The following WDR33 variants were observed in gnomAD, a reference collection of about 807,000 sequenced individuals.
WDR33 encodes WD repeat domain 33.
In WDR33, 47 loss-of-function variants were observed where a neutral mutation model predicts 164.9. The observed-to-expected ratio is 0.29, with a 90% CI of 0.23 to 0.36. The LOEUF (loss-of-function observed/expected upper bound fraction) is 0.36. WDR33 is among the 10% of genes least tolerant of loss of function. The pLI is 1.00. For missense variants in WDR33, 1,137 were observed against 1,754.1 expected (o/e 0.65, Z 6.28); for synonymous variants, 505 against 589.0 (o/e 0.86, Z 2.06).
chr2:127,784,130 G>A (rs551080241), intron 1 of WDR33, among the ~76,000 whole-genome samples: 46 of 151,682 alleles, frequency 3.0e-4, no homozygotes, highest in Non-Finnish European at 5.4e-4. Context: ...TAGCTTAATT[G>A]AAAACAGCTG....
Position 127,738,327 on chromosome 2 carries a change from AG to A in WDR33, c.725-11551del, listed in dbSNP as rs1686914127. Among the ~76,000 whole-genome samples the A allele has an allele frequency of 6.6e-6, 1 of 152,234 alleles. No homozygotes were observed. Among genetic ancestry groups the A allele is most frequent in the South Asian group, 2.1e-4 (1 of 4,832 alleles). On this transcript the variant is annotated intron_variant, in intron 7 of 21. Transcript: ENST00000322313. The surrounding 1 kb of genome is among the most constrained non-coding windows in gnomAD (Gnocchi z 4.4). ...ACATATTCCCATAAAATATCCATTT[AG>A]TCCATACTGATATAAGCAAATAACT... is the stretch of plus-strand genomic sequence containing the variant.
Position 127,722,958 on chromosome 2 carries a change from C to G in WDR33, c.1378G>C (p.Gly460Arg). The G allele has an allele frequency of 6.3e-7, 1 of 1,599,834 alleles. No homozygotes were observed. The highest frequency in any genetic ancestry group is 8.5e-7 in the Non-Finnish European group (1 of 1,176,176). The change falls in exon 13 of 22, where the codon GGG (glycine) becomes CGG (arginine). Residue 460 changes from glycine (G) to arginine (R), a missense_variant and splice_region_variant. By Grantham distance (125) the Gly-to-Arg change is moderately radical. Coordinates refer to ENST00000322313, the MANE Select transcript of WDR33 (RefSeq NM_018383.5). This position sits in a 1 kb window ranked among gnomAD's most constrained non-coding sequence, Gnocchi z 5.1. Reference protein sequence around the residue: ...LKLAMEQEQMGKDESNEIEMT... With the variant: ...LKLAMEQEQMRKDESNEIEMT... ...AATGTGTCTGTGTAACTTCTCTTAC[C>G]CATCTGTTCTTGTTCCATAGCTAAT... is the stretch of plus-strand genomic sequence containing the variant.
At chr2:127,711,770 ATATATATATAT>A in intron 18 of WDR33, among the ~76,000 whole-genome samples, 1 of 77,880 alleles carries the variant, frequency 1.3e-5, no homozygotes, top group South Asian at 6.3e-4. Flanking sequence ...ATATATATAT[ATATATATATAT>A]TTTTTTTTTG....
At chr2:127,731,905 G>A (rs954596857) in intron 7 of WDR33, among the ~76,000 whole-genome samples, 1 of 152,142 alleles carries the variant, frequency 6.6e-6, no homozygotes, top group Non-Finnish European at 1.5e-5. Flanking sequence ...GGGCAACATA[G>A]TGAGACCCTG....
At chr2:127,757,452 T>C (rs1337456492) in intron 7 of WDR33, among the ~76,000 whole-genome samples, 1 of 152,202 alleles carries the variant, frequency 6.6e-6, no homozygotes, top group Admixed American at 6.5e-5. Flanking sequence ...TACCATGATC[T>C]AGTCTTTTCA....
rs553518323 is a variant in WDR33 at position 127,738,415 on chromosome 2, G to A, written c.725-11638C>T. Among the ~76,000 whole-genome samples the A allele has an allele frequency of 4.6e-5, 7 of 152,060 alleles. No individual in the cohort carries two copies. On this transcript the variant is annotated intron_variant, in intron 7 of 21. Coordinates refer to ENST00000322313, the MANE Select transcript of WDR33 (RefSeq NM_018383.5). The surrounding 1 kb of genome is among the most constrained non-coding windows in gnomAD (Gnocchi z 4.4). ...CTAAGAATTCCACATAATTTACACA[G>A]TTACTCCACCTGAAAAGAGGTGAGG...
intron 21 of WDR33, among the ~76,000 whole-genome samples, chr2:127,707,077 CAAAAG>C (rs981855181): frequency 3.3e-5 from 5 of 151,644 alleles, no homozygotes; most frequent in African/African-American, 7.3e-5. Flanking sequence ...CTTGAAAAAA[CAAAAG>C]AAAAGCACAA....
At chr2:127,711,780 A>ATATATATATATATATATTTTTTTTTTTT in intron 18 of WDR33, among the ~76,000 whole-genome samples, 2 of 88,318 alleles carry the variant, frequency 2.3e-5, no homozygotes, top group Non-Finnish European at 4.0e-5. Flanking sequence ...ATATATATAT[A>ATATATATATATATATATTTTTTTTTTTT]TTTTTTTTTT....
rs1686422533 is a variant in WDR33, at chr2:127,720,928, G to C, written c.1672-575C>G. Among the ~76,000 whole-genome samples, 1 of 152,068 alleles carries C rather than the reference G, an allele frequency of 6.6e-6. No homozygotes were observed. Among genetic ancestry groups the C allele is most frequent in the African/African-American group, 2.4e-5 (1 of 41,388 alleles). ...AATTCACCACTAATTCATCATTCTT[G>C]GTAGCTAACATAGATAAGAAAAATA... On this transcript the variant is annotated intron_variant, in intron 15 of 21. Coordinates refer to ENST00000322313, the MANE Select transcript of WDR33 (RefSeq NM_018383.5). This position sits in a 1 kb window ranked among gnomAD's most constrained non-coding sequence, Gnocchi z 5.9.
At position 127,701,908 on chromosome 2, in the gene WDR33, G is replaced by A; in HGVS notation, c.*4415C>T. 4.8e-6 allele frequency: 7 copies of A among 1,449,674 alleles called. No individual in the cohort carries two copies. Among genetic ancestry groups the A allele is most frequent in the Non-Finnish European group, 6.3e-6 (7 of 1,107,566 alleles). 89.8% of individuals were successfully genotyped at this position (1,449,674 alleles called of 1,614,324 possible). A position where few individuals can be genotyped will look rare whatever the true frequency, so the allele number is the denominator to read the frequency against. On this transcript the variant is annotated 3_prime_UTR_variant, in exon 22 of 22. Coordinates refer to ENST00000322313, the MANE Select transcript of WDR33 (RefSeq NM_018383.5). ...GCGTTGGCGGGAAGCGCGCTGCTGC[G>A]GGGCGGCGCGGCGTGCGGACGCCTG...
chr2:127,739,163 T>G, intron 7 of WDR33, among the ~76,000 whole-genome samples: 1 of 152,240 alleles, frequency 6.6e-6, no homozygotes, highest in Non-Finnish European at 1.5e-5. Context: ...TTCTTTTTCT[T>G]TATTGAATGA....
intron 7 of WDR33, among the ~76,000 whole-genome samples, chr2:127,728,561 C>G (rs1278395519): frequency 2.0e-5 from 3 of 152,058 alleles, no homozygotes; most frequent in East Asian, 3.8e-4. Context: ...TTTGCTGTTG[C>G]TTTGTCTTTT....
intron 7 of WDR33, among the ~76,000 whole-genome samples, chr2:127,731,306 A>C (rs1399943816): frequency 1.3e-5 from 2 of 151,478 alleles, no homozygotes; most frequent in African/African-American, 4.9e-5. Flanking sequence ...AAAAAAAAAA[A>C]AAAAAAAAAA....
rs1351817713 is a variant in WDR33, at chr2:127,702,794, T to A, written c.*3529A>T. The A allele has an allele frequency of 6.0e-6, 1 of 167,042 alleles. No individual in the cohort carries two copies. The highest frequency in any genetic ancestry group is 1.5e-5 in the Non-Finnish European group (1 of 68,110). The allele number at this position is 167,042 out of a possible 1,614,324, so 10.3% of individuals were successfully genotyped here. A position where few individuals can be genotyped will look rare whatever the true frequency, so the allele number is the denominator to read the frequency against. ...CATGAAAGGAAAATTAGTTGTGTAT[T>A]TCACGACGAAAGCGACGGACCAAAA... On this transcript the variant is annotated 3_prime_UTR_variant, in exon 22 of 22. Coordinates refer to ENST00000322313, the MANE Select transcript of WDR33 (RefSeq NM_018383.5).
At position 127,701,951 on chromosome 2, in the gene WDR33, G is replaced by A; in HGVS notation, c.*4372C>T. 7.1e-7 allele frequency: 1 copy of A among 1,403,306 alleles called. No individual in the cohort carries two copies. The highest frequency in any genetic ancestry group is 9.2e-7 in the Non-Finnish European group (1 of 1,085,940). 86.9% of individuals were successfully genotyped at this position (1,403,306 alleles called of 1,614,324 possible). ...GACGCCTGCTGCGCTGCGAAGAAGC[G>A]CCGTCCCGGCCCGCGCTGCTCTACA... On this transcript the variant is annotated 3_prime_UTR_variant, in exon 22 of 22. Coordinates refer to ENST00000322313, the MANE Select transcript of WDR33 (RefSeq NM_018383.5).
rs1687762465 is a variant in WDR33, at chr2:127,764,443, G to A, written c.626+385C>T. 1 of 1,450,784 alleles carries A rather than the reference G, an allele frequency of 6.9e-7. No homozygotes were observed. The allele number at this position is 1,450,784 out of a possible 1,614,324, so 89.9% of individuals were successfully genotyped here. On this transcript the variant is annotated intron_variant, in intron 6 of 21. Transcript: ENST00000322313. This position sits in a 1 kb window ranked among gnomAD's most constrained non-coding sequence, Gnocchi z 6.2. ...TGTGTGAATTCTGAAGTTGTTTTCT[G>A]TAGGCTTTAGATTTTATTCAGTTGC... is the stretch of plus-strand genomic sequence containing the variant.
At chr2:127,762,350 C>A (rs1245968154) in intron 7 of WDR33, 3 of 258,568 alleles carry the variant, frequency 1.2e-5, no homozygotes, top group Non-Finnish European at 1.8e-5. Flanking sequence ...TGCATATATA[C>A]AACAAATTCC....
chr2:127,721,290 T>A lies in WDR33; in HGVS notation c.1671+546A>T, dbSNP rs1686432362. Among the ~76,000 whole-genome samples, 1 of 152,044 alleles carries A rather than the reference T, an allele frequency of 6.6e-6. No homozygotes were observed. Among genetic ancestry groups the A allele is most frequent in the Non-Finnish European group, 1.5e-5 (1 of 68,000 alleles). On this transcript the variant is annotated intron_variant, in intron 15 of 21. Transcript: ENST00000322313. The surrounding 1 kb of genome is among the most constrained non-coding windows in gnomAD (Gnocchi z 4.9). Reference sequence around the variant, plus strand: ...GCCCAGCTAATTTTTGTATTTTCAGTAGAGGTGGGGTTTCACCATGTTGAC... The same window carrying A: ...GCCCAGCTAATTTTTGTATTTTCAGAAGAGGTGGGGTTTCACCATGTTGAC...
At chr2:127,808,804 G>A (rs1398587478) in intron 1 of WDR33, among the ~76,000 whole-genome samples, 1 of 152,144 alleles carries the variant, frequency 6.6e-6, no homozygotes, top group Non-Finnish European at 1.5e-5. Flanking sequence ...GCCGAGATGG[G>A]CGGATCACGA....
Sources: gnomAD v4.1 joint callset for allele counts (sites outside exome capture counted in the v4.1 genomes callset) on GRCh38, gnomAD v4.1.1 for gene constraint, Gnocchi (gnomAD v3.1) non-coding constraint, MANE v1.5 for transcripts, NCBI Gene and HGNC (gene_info 2026-07-23, HGNC 2026-07-21) for gene names.